FILIP1L: variants seen among roughly 807,000 people sequenced by gnomAD.
The protein encoded by FILIP1L is filamin A interacting protein 1 like, also known as filamin A-interacting protein 1-like.
In FILIP1L, 55 loss-of-function variants were observed where a neutral mutation model predicts 96.6. The observed-to-expected ratio is 0.57, with a 90% CI of 0.46 to 0.71. The LOEUF is 0.71. Ranked by LOEUF, FILIP1L falls within the 30% of genes least tolerant of loss-of-function variation. FILIP1L has a pLI of 0.00. For missense variants in FILIP1L, 1,304 were observed against 1,321.2 expected (o/e 0.99, Z 0.20); for synonymous variants, 467 against 473.9 (o/e 0.99, Z 0.19).
chr3:100,071,721 G>C (rs554249787), intron 1 of FILIP1L, among the ~76,000 whole-genome samples: 1 of 152,196 alleles, frequency 6.6e-6, no homozygotes, highest in East Asian at 1.9e-4. Context: ...TCTTGGCCAA[G>C]ACTGCTCCTC....
At chr3:100,093,503 A>G (rs2066149350) in intron 1 of FILIP1L, among the ~76,000 whole-genome samples, 1 of 152,160 alleles carries the variant, frequency 6.6e-6, no homozygotes, top group Admixed American at 6.5e-5. Flanking sequence ...CTTTGAGATA[A>G]TTGTGATTCA....
intron 1 of FILIP1L, among the ~76,000 whole-genome samples, chr3:99,984,060 T>G (rs73138630): frequency 0.034 from 839 of 24,890 alleles, 15 homozygotes; most frequent in African/African-American, 0.11. Context: ...GTATGTGTGT[T>G]TGTGTGTGTG....
chr3:99,871,155 TAGTTA>T (rs1944766679), intron 4 of FILIP1L, among the ~76,000 whole-genome samples: 1 of 152,230 alleles, frequency 6.6e-6, no homozygotes, highest in Non-Finnish European at 1.5e-5. Flanking sequence ...ACTTGGTTTC[TAGTTA>T]AGTTCACTGC....
intron 4 of FILIP1L, among the ~76,000 whole-genome samples, chr3:99,913,179 T>C (rs1407329541): frequency 6.6e-6 from 1 of 152,106 alleles, no homozygotes; most frequent in Admixed American, 6.6e-5. Flanking sequence ...CTGTGAGAAA[T>C]AAATTTCTGT....
At chr3:100,054,332 A>G (rs2065423942) in intron 1 of FILIP1L, among the ~76,000 whole-genome samples, 1 of 152,186 alleles carries the variant, frequency 6.6e-6, no homozygotes, top group African/African-American at 2.4e-5. Flanking sequence ...AAATTGAGAT[A>G]TCTGGCTTTT....
intron 1 of FILIP1L, chr3:100,075,646 A>G (rs1185128166): frequency 6.6e-6 from 1 of 151,852 alleles, no homozygotes; most frequent in East Asian, 1.9e-4. Flanking sequence ...ATTACACAAG[A>G]ATTAAATGAA....
intron 4 of FILIP1L, among the ~76,000 whole-genome samples, chr3:99,909,931 G>A (rs533924558): frequency 4.3e-5 from 6 of 138,658 alleles, no homozygotes; most frequent in Non-Finnish European, 9.9e-5. Context: ...GTCAACAAGA[G>A]CTGTTGTCAT....
intron 1 of FILIP1L, among the ~76,000 whole-genome samples, chr3:100,021,960 T>TGTGTGTGTGTGAGAGA (rs1321185364): frequency 1.1e-5 from 1 of 93,290 alleles, no homozygotes; most frequent in South Asian, 4.4e-4. Context: ...TGTGTGTGTG[T>TGTGTGTGTGTGAGAGA]GAGAGAGAGA....
chr3:100,062,173 G>A (rs1402610459), intron 1 of FILIP1L, among the ~76,000 whole-genome samples: 3 of 133,368 alleles, frequency 2.2e-5, no homozygotes, highest in Admixed American at 8.3e-5. Flanking sequence ...GTGCAGTGGC[G>A]CGATCTTGGC....
intron 1 of FILIP1L, among the ~76,000 whole-genome samples, chr3:100,043,358 A>G (rs1559737227): frequency 6.6e-6 from 1 of 152,132 alleles, no homozygotes; most frequent in Non-Finnish European, 1.5e-5. Context: ...CTTTTCAGCT[A>G]TATTAAATAT....
chr3:100,000,249 CTTTTTGTAGG>C (rs1336124044), intron 1 of FILIP1L, among the ~76,000 whole-genome samples: 5 of 152,212 alleles, frequency 3.3e-5, no homozygotes, highest in African/African-American at 1.2e-4. Context: ...GGTGACCTTG[CTTTTTGTAGG>C]AAAAAAGTCA....
intron 1 of FILIP1L, among the ~76,000 whole-genome samples, chr3:99,957,681 T>TTTTCTTTC (rs1553700126): frequency 7.0e-6 from 1 of 143,210 alleles, no homozygotes. Context: ...TCCTTTTCTC[T>TTTTCTTTC]TTTCTTTCTT....
intron 1 of FILIP1L, among the ~76,000 whole-genome samples, chr3:99,986,018 G>T (rs549274702): frequency 6.6e-6 from 1 of 152,120 alleles, no homozygotes; most frequent in Non-Finnish European, 1.5e-5. Flanking sequence ...GATACAGTTT[G>T]CACGTGGACC....
intron 1 of FILIP1L, among the ~76,000 whole-genome samples, chr3:100,081,075 T>C (rs901574745): frequency 6.6e-6 from 1 of 152,242 alleles, no homozygotes; most frequent in Non-Finnish European, 1.5e-5. Flanking sequence ...GCCAATGTTA[T>C]ATCCATTAGT....
chr3:100,038,849 T>G (rs566641232), intron 1 of FILIP1L, among the ~76,000 whole-genome samples: 1 of 152,156 alleles, frequency 6.6e-6, no homozygotes, highest in South Asian at 2.1e-4. Flanking sequence ...TATTGTTAAG[T>G]CCAAAAGGCA....
At chr3:99,865,396 G>A (rs753506990) in intron 4 of FILIP1L, among the ~76,000 whole-genome samples, 3 of 152,068 alleles carry the variant, frequency 2.0e-5, no homozygotes, top group Non-Finnish European at 4.4e-5. Flanking sequence ...GTGAATTTGT[G>A]TGCTGTAATA....
intron 1 of FILIP1L, among the ~76,000 whole-genome samples, chr3:100,101,892 T>G (rs1464468203): frequency 6.6e-6 from 1 of 152,136 alleles, no homozygotes; most frequent in Non-Finnish European, 1.5e-5. Context: ...GTCCTTGCGA[T>G]AGTTTGCTGA....
At chr3:99,923,219 A>G (rs138938354) in intron 4 of FILIP1L, among the ~76,000 whole-genome samples, 6 of 152,100 alleles carry the variant, frequency 3.9e-5, no homozygotes, top group African/African-American at 1.2e-4. Flanking sequence ...AGTTTCAGCT[A>G]TCACCTGCTG....
intron 4 of FILIP1L, among the ~76,000 whole-genome samples, chr3:99,884,394 C>A (rs1705827381): frequency 6.6e-6 from 1 of 152,122 alleles, no homozygotes; most frequent in Non-Finnish European, 1.5e-5. Flanking sequence ...TTGCTGATTT[C>A]TGAATCTGTT....
Sources: allele counts gnomAD v4.1 joint callset (sites outside exome capture counted in the v4.1 genomes callset), GRCh38; gene constraint gnomAD v4.1.1; transcripts MANE v1.5; gene names NCBI Gene and HGNC (gene_info 2026-07-23, HGNC 2026-07-21).